Variants in TENM2 observed in about 807,000 individuals in gnomAD.
TENM2 encodes teneurin-2.
TENM2 carries 52 observed loss-of-function variants against 245.2 expected under a neutral mutation model. The observed-to-expected ratio is 0.21, with a 90% confidence interval of 0.17 to 0.27. The LOEUF is 0.27. Among genes scored for constraint, TENM2 ranks in the 10% least tolerant of loss-of-function variants. The pLI, the probability that TENM2 is intolerant of heterozygous loss-of-function variation, is 1.00. For missense variants in TENM2, 3,046 were observed against 3,666.8 expected (o/e 0.83, Z 4.37); for synonymous variants, 1,363 against 1,438.9 (o/e 0.95, Z 1.19).
chr5:168,065,481 T>C (rs1790413298), intron 7 of TENM2, among the ~76,000 whole-genome samples: 1 of 152,122 alleles, frequency 6.6e-6, no homozygotes, highest in South Asian at 2.1e-4. Context: ...AATTACACAA[T>C]AACAACAAAG....
intron 2 of TENM2, among the ~76,000 whole-genome samples, chr5:167,805,350 T>G (rs1766084318): frequency 6.6e-6 from 1 of 152,196 alleles, no homozygotes; most frequent in South Asian, 2.1e-4. Flanking sequence ...GAGAAATTTT[T>G]TATACAATCG....
intron 3 of TENM2, among the ~76,000 whole-genome samples, chr5:167,907,524 AATATATATATATATATAT>A (rs56159044): frequency 0.052 from 4,085 of 78,218 alleles, 238 homozygotes; most frequent in African/African-American, 0.12. Context: ...GATCACCCTA[AATATATATATATATATAT>A]ATATATATAT....
intron 9 of TENM2, among the ~76,000 whole-genome samples, chr5:168,112,817 C>T (rs890222365): frequency 1.3e-5 from 2 of 152,156 alleles, no homozygotes; most frequent in Non-Finnish European, 2.9e-5. Context: ...AATATTACAT[C>T]CTCAATTGCT....
At chr5:167,425,731 A>C (rs989694775) in intron 2 of TENM2, among the ~76,000 whole-genome samples, 1 of 152,108 alleles carries the variant, frequency 6.6e-6, no homozygotes, top group African/African-American at 2.4e-5. Flanking sequence ...CTTCAACTAT[A>C]AAATAACAAT....
intron 2 of TENM2, among the ~76,000 whole-genome samples, chr5:167,550,401 A>G (rs1252373232): frequency 2.0e-5 from 3 of 152,172 alleles, no homozygotes; most frequent in Admixed American, 1.3e-4. Context: ...ATATTAGTAT[A>G]AATATTCTTG....
chr5:167,999,637 G>A (rs762746532), intron 5 of TENM2, among the ~76,000 whole-genome samples: 15 of 152,214 alleles, frequency 9.9e-5, no homozygotes, highest in African/African-American at 1.9e-4. Flanking sequence ...GGAGGAGGAC[G>A]TGGCCTCTTT....
intron 7 of TENM2, among the ~76,000 whole-genome samples, chr5:168,075,583 T>C (rs57002229): frequency 0.3 from 45,355 of 152,068 alleles, 7,614 homozygotes; most frequent in Non-Finnish European, 0.37. Flanking sequence ...CACTGGAGAT[T>C]AGATTTGTCT....
intron 2 of TENM2, among the ~76,000 whole-genome samples, chr5:167,450,390 TTGTC>T (rs1313534542): frequency 2.0e-5 from 3 of 152,304 alleles, no homozygotes; most frequent in Non-Finnish European, 4.4e-5. Context: ...ACATATTTGT[TTGTC>T]TGTTAATGAC....
At chr5:168,262,675 G>A (rs2152725871) in exon 29 of TENM2, 2 of 1,609,404 alleles carry the variant, frequency 1.2e-6, no homozygotes, top group East Asian at 2.2e-5. Context: ...AGGGCGAGAA[G>A]CAGCAGCTTC....
chr5:167,571,875 T>C (rs1413030803), intron 2 of TENM2, among the ~76,000 whole-genome samples: 1 of 152,214 alleles, frequency 6.6e-6, no homozygotes, highest in African/African-American at 2.4e-5. Context: ...CCTGTATCAA[T>C]AATGTCATTT....
intron 2 of TENM2, among the ~76,000 whole-genome samples, chr5:167,522,743 C>T (rs1770846286): frequency 6.6e-6 from 1 of 151,508 alleles, no homozygotes. Flanking sequence ...AGTAGCTGGC[C>T]CTGGGAGATG....
At chr5:166,983,460 G>A in the TENM2 span, among the ~76,000 whole-genome samples, 3 of 152,252 alleles carry the variant, frequency 2.0e-5, no homozygotes, top group South Asian at 4.1e-4. Flanking sequence ...GTACAGTAAT[G>A]TGCTTTTCGA....
intron 2 of TENM2, among the ~76,000 whole-genome samples, chr5:167,780,034 C>G (rs1482626329): frequency 2.0e-5 from 3 of 152,164 alleles, no homozygotes; most frequent in Non-Finnish European, 2.9e-5. Context: ...GGGAGAAGTT[C>G]CCAAAGCATG....
the TENM2 span, among the ~76,000 whole-genome samples, chr5:167,170,082 C>T: frequency 1.5e-4 from 23 of 152,312 alleles, no homozygotes; most frequent in African/African-American, 3.8e-4. Context: ...TCATGTGAAA[C>T]GGGTACATCT....
At chr5:167,780,693 C>T (rs1305760011) in intron 2 of TENM2, among the ~76,000 whole-genome samples, 1 of 152,154 alleles carries the variant, frequency 6.6e-6, no homozygotes, top group African/African-American at 2.4e-5. Context: ...TGTCTTTAAA[C>T]AGAAGCTCAC....
intron 2 of TENM2, among the ~76,000 whole-genome samples, chr5:167,790,828 G>A (rs1253594167): frequency 1.3e-5 from 2 of 152,126 alleles, no homozygotes; most frequent in South Asian, 2.1e-4. Flanking sequence ...TTCCTATGGG[G>A]CAAACATTCT....
At chr5:167,452,963 T>A (rs866086400) in intron 2 of TENM2, among the ~76,000 whole-genome samples, 99 of 13,718 alleles carry the variant, frequency 7.2e-3, no homozygotes, top group Middle Eastern at 0.045. Context: ...ATATATATAT[T>A]TAAAAAAAAA....
intron 2 of TENM2, among the ~76,000 whole-genome samples, chr5:167,783,173 GT>G (rs34061894): frequency 3.2e-4 from 46 of 144,020 alleles, no homozygotes; most frequent in African/African-American, 1.1e-3. Context: ...CTAGAAACAG[GT>G]TTTTTTTTTT....
chr5:167,571,392 T>C (rs1774255725), intron 2 of TENM2, among the ~76,000 whole-genome samples: 1 of 152,202 alleles, frequency 6.6e-6, no homozygotes, highest in Admixed American at 6.5e-5. Context: ...TATCATACGC[T>C]GTCATATAAG....
Sources: gnomAD v4.1 joint callset for allele counts (sites outside exome capture counted in the v4.1 genomes callset) on GRCh38, gnomAD v4.1.1 for gene constraint, MANE v1.5 for transcripts, NCBI Gene and HGNC (gene_info 2026-07-23, HGNC 2026-07-21) for gene names.